The following IRGM variants were observed in gnomAD, a reference collection of about 807,000 sequenced individuals.
IRGM encodes the protein immunity-related GTPase family M protein.
For synonymous variants in IRGM, 98 were observed against 80.6 expected (o/e 1.22, Z -1.16); for missense variants, 288 against 219.9 (o/e 1.31, Z -1.96).
At chr5:150,900,243 C>CT (rs1754946921) in intron 3 of IRGM, among the ~76,000 whole-genome samples, 1 of 152,040 alleles carries the variant, frequency 6.6e-6, no homozygotes, top group African/African-American at 2.4e-5. Flanking sequence ...ACATCATGAT[C>CT]TTTTATATTT....
intron 1 of IRGM, among the ~76,000 whole-genome samples, chr5:150,858,007 A>G (rs1349626214): frequency 1.3e-5 from 2 of 152,138 alleles, no homozygotes; most frequent in African/African-American, 4.8e-5. Context: ...GCCCATGCCT[A>G]TGTCCTGAAT....
chr5:150,893,492 T>C (rs751489558), intron 3 of IRGM, among the ~76,000 whole-genome samples: 1 of 152,178 alleles, frequency 6.6e-6, no homozygotes, highest in African/African-American at 2.4e-5. Context: ...CATTGACTAC[T>C]GTGAAAAACT....
intron 1 of IRGM, among the ~76,000 whole-genome samples, chr5:150,860,172 A>G (rs1257032053): frequency 6.6e-6 from 1 of 152,232 alleles, no homozygotes. Context: ...ATGGCAATTT[A>G]ACGTCTCCTA....
chr5:150,870,424 C>T (rs1344120625), intron 1 of IRGM, among the ~76,000 whole-genome samples: 2 of 151,870 alleles, frequency 1.3e-5, no homozygotes, highest in Non-Finnish European at 2.9e-5. Context: ...AGACAATTTG[C>T]TGAGGCCTGG....
downstream of IRGM, among the ~76,000 whole-genome samples, chr5:150,850,374 C>T (rs577042430): frequency 6.6e-6 from 1 of 152,030 alleles, no homozygotes; most frequent in Non-Finnish European, 1.5e-5. Flanking sequence ...TGATATAGAA[C>T]AATTACCAAC....
chr5:150,890,889 A>G (rs905615681), intron 3 of IRGM, among the ~76,000 whole-genome samples: 3 of 152,020 alleles, frequency 2.0e-5, no homozygotes, highest in African/African-American at 7.2e-5. Context: ...CTTCACATGG[A>G]CTTAAAAATG....
chr5:150,872,803 G>A (rs2115069), intron 1 of IRGM, among the ~76,000 whole-genome samples: 25,093 of 152,142 alleles, frequency 0.16, 2,916 homozygotes, highest in East Asian at 0.43. Flanking sequence ...TGTACAGGGA[G>A]GGATCAAAAG....
In IRGM at chr5:150,866,795, G is replaced by A. The variant is rs545678625; in HGVS notation, c.159-11185G>A. 2.0e-4 allele frequency among the ~76,000 whole-genome samples: 30 copies of A among 152,258 alleles called. 1 individual carries two copies. Among genetic ancestry groups the A allele is most frequent in the East Asian group, 5.8e-4 (3 of 5,186 alleles). ...AGATGAGTATCTTAGGGGGAACACT[G>A]AAATAGTCTTCAAAAATGTGAAGTA... On this transcript the variant is annotated intron_variant and NMD_transcript_variant, in intron 1 of 3. Coordinates refer to the IRGM transcript ENST00000520549.
chr5:150,887,786 T>C (rs911235679), intron 3 of IRGM, among the ~76,000 whole-genome samples: 3 of 151,880 alleles, frequency 2.0e-5, no homozygotes, highest in Non-Finnish European at 4.4e-5. Flanking sequence ...GATTTAAACC[T>C]GCCTCACATG....
At chr5:150,848,804 T>C (rs1482413503), downstream of IRGM, 1 of 659,962 alleles carries the variant, frequency 1.5e-6, no homozygotes, top group Non-Finnish European at 2.6e-6. Flanking sequence ...AGTGTGGTTG[T>C]GTTGTTCTTT....
chr5:150,887,444 TA>T (rs1303087425), intron 3 of IRGM, among the ~76,000 whole-genome samples: 1 of 151,928 alleles, frequency 6.6e-6, no homozygotes, highest in Non-Finnish European at 1.5e-5. Context: ...TGGAGTTATG[TA>T]AAGTGTCTAA....
At chr5:150,862,846 T>G (rs1352810821) in intron 1 of IRGM, among the ~76,000 whole-genome samples, 2 of 152,124 alleles carry the variant, frequency 1.3e-5, no homozygotes, top group Non-Finnish European at 2.9e-5. Flanking sequence ...CCTGGGAAGT[T>G]AGATCTTGCA....
chr5:150,855,980 G>GT, intron 1 of IRGM, among the ~76,000 whole-genome samples: 1 of 151,062 alleles, frequency 6.6e-6, no homozygotes, highest in East Asian at 1.9e-4. Flanking sequence ...GTTAAAACAT[G>GT]TTTTAACTTC....
chr5:150,860,020 A>T (rs931645402), intron 1 of IRGM, among the ~76,000 whole-genome samples: 1 of 152,174 alleles, frequency 6.6e-6, no homozygotes, highest in Non-Finnish European at 1.5e-5. Context: ...TTCATTGCCC[A>T]ATATGGCTAA....
chr5:150,852,653 A>G (rs1753992909), downstream of IRGM, among the ~76,000 whole-genome samples: 1 of 152,148 alleles, frequency 6.6e-6, no homozygotes, highest in African/African-American at 2.4e-5. Flanking sequence ...AGAGAACTCT[A>G]AGGACATAAT....
At chr5:150,890,539 T>C (rs1754593821) in intron 3 of IRGM, among the ~76,000 whole-genome samples, 1 of 143,766 alleles carries the variant, frequency 7.0e-6, no homozygotes, top group Non-Finnish European at 1.5e-5. Context: ...TCCTATCTTC[T>C]TAAGGTAGAA....
chr5:150,880,037 T>C lies in IRGM; in HGVS notation c.*140+391T>C, dbSNP rs142628288. The stretch of plus-strand genomic sequence containing the variant: ...TTCCCTATATAAGATGTGTGCTTGC[T>C]AGTGGATGGGCAAACTGGAGTCATC... On this transcript the variant is annotated intron_variant and NMD_transcript_variant, in intron 3 of 3. Transcript: ENST00000520549. 7.0e-3 allele frequency among the ~76,000 whole-genome samples: 1,070 copies of C among 152,318 alleles called. 10 individuals are homozygous for C. The highest frequency in any genetic ancestry group is 0.021 in the East Asian group (109 of 5,180).
intron 1 of IRGM, among the ~76,000 whole-genome samples, chr5:150,866,436 A>G (rs1012037638): frequency 1.3e-5 from 2 of 152,240 alleles, no homozygotes; most frequent in African/African-American, 4.8e-5. Flanking sequence ...AGAAGGCTGG[A>G]AAGTTCACCC....
At chr5:150,893,905 T>C (rs1247522427) in intron 3 of IRGM, among the ~76,000 whole-genome samples, 1 of 152,032 alleles carries the variant, frequency 6.6e-6, no homozygotes, top group South Asian at 2.1e-4. Context: ...ACCCCAACAA[T>C]ATATAAATCA....
Sources: gnomAD v4.1 joint callset for allele counts (sites outside exome capture counted in the v4.1 genomes callset) on GRCh38, gnomAD v4.1.1 for gene constraint, MANE v1.5 for transcripts, NCBI Gene and HGNC (gene_info 2026-07-23, HGNC 2026-07-21) for gene names.